Variants in MTCL1 observed in about 807,000 individuals in gnomAD.
MTCL1 encodes microtubule cross-linking factor 1.
MTCL1 carries 79 observed loss-of-function variants against 141.4 expected under a neutral mutation model. The ratio of observed to expected loss-of-function variants is 0.56; its 90% confidence interval spans 0.47 to 0.67. The LOEUF is 0.67. Ranked by LOEUF, MTCL1 falls within the 30% of genes least tolerant of loss-of-function variation. MTCL1 has a pLI of 0.00. For missense variants in MTCL1, 2,177 were observed against 2,113.9 expected, an observed-to-expected ratio of 1.03 and a Z score of -0.59; for synonymous variants, 914 against 875.8, an observed-to-expected ratio of 1.04 and a Z score of -0.77.
At chr18:8,724,147 G>A (rs1365529770) in intron 4 of MTCL1, among the ~76,000 whole-genome samples, 2 of 152,136 alleles carry the variant, frequency 1.3e-5, no homozygotes, top group East Asian at 3.9e-4. Flanking sequence ...TCTGTTACGT[G>A]AATTTTAACC....
At chr18:8,814,337 C>T (rs1488415460) in intron 12 of MTCL1, among the ~76,000 whole-genome samples, 8 of 152,176 alleles carry the variant, frequency 5.3e-5, no homozygotes, top group Admixed American at 3.9e-4. Context: ...ACCGAGACCC[C>T]GTCTCCAAAA....
At chr18:8,734,901 C>T (rs1319996469) in intron 4 of MTCL1, among the ~76,000 whole-genome samples, 1 of 152,158 alleles carries the variant, frequency 6.6e-6, no homozygotes, top group Non-Finnish European at 1.5e-5. Context: ...GTGCCTGCAG[C>T]ATCTCCTTTA....
chr18:8,739,479 A>T (rs547467398), intron 4 of MTCL1, among the ~76,000 whole-genome samples: 1 of 152,180 alleles, frequency 6.6e-6, no homozygotes, highest in Non-Finnish European at 1.5e-5. Flanking sequence ...GAGACACCCT[A>T]CACTGCCTAG....
At chr18:8,752,459 GT>G (rs2096376643) in intron 4 of MTCL1, among the ~76,000 whole-genome samples, 1 of 151,994 alleles carries the variant, frequency 6.6e-6, no homozygotes, top group African/African-American at 2.4e-5. Flanking sequence ...TCTTTTTTAT[GT>G]TTGATTTGAA....
chr18:8,721,202 C>T (rs1344743260), intron 4 of MTCL1, among the ~76,000 whole-genome samples: 1 of 152,164 alleles, frequency 6.6e-6, no homozygotes, highest in Non-Finnish European at 1.5e-5. Flanking sequence ...AAATTAAAAG[C>T]CTTTGGCGAA....
At chr18:8,743,137 G>A (rs1188985622) in intron 4 of MTCL1, among the ~76,000 whole-genome samples, 1 of 152,206 alleles carries the variant, frequency 6.6e-6, no homozygotes, top group Non-Finnish European at 1.5e-5. Flanking sequence ...AGCTAGAGAA[G>A]ATAGTCTAAT....
intron 3 of MTCL1, 101 bp downstream of exon 2, chr18:8,718,749 A>G (rs2096147634): frequency 1.9e-6 from 2 of 1,064,394 alleles, no homozygotes; most frequent in Non-Finnish European, 2.9e-6. Context: ...GTCTGTCTCT[A>G]CAGATTGCAG....
exon 17 of MTCL1, chr18:8,831,835 C>G (rs755961223): frequency 6.5e-7 from 1 of 1,548,358 alleles, no homozygotes; most frequent in Admixed American, 2.0e-5. Context: ...GTATAATTCA[C>G]TGTAATTTGC....
At chr18:8,777,759 G>A in intron 4 of MTCL1, 74 bp from the exon 4 acceptor site, 7 of 1,373,368 alleles carry the variant, frequency 5.1e-6, no homozygotes, top group Non-Finnish European at 7.3e-6. Flanking sequence ...CCCCACCCAT[G>A]GGGACGATGT....
At chr18:8,742,071 G>A (rs2096306769) in intron 4 of MTCL1, among the ~76,000 whole-genome samples, 1 of 151,158 alleles carries the variant, frequency 6.6e-6, no homozygotes, top group South Asian at 2.1e-4. Flanking sequence ...ATGGAGCCAA[G>A]CCTAATGATC....
At chr18:8,767,130 CATG>C (rs1204035626) in intron 4 of MTCL1, among the ~76,000 whole-genome samples, 1 of 152,208 alleles carries the variant, frequency 6.6e-6, no homozygotes, top group Non-Finnish European at 1.5e-5. Context: ...CCTTAAGAAT[CATG>C]AGATCATGGA....
intron 4 of MTCL1, among the ~76,000 whole-genome samples, chr18:8,770,348 C>T (rs1044285132): frequency 1.3e-4 from 20 of 152,230 alleles, no homozygotes; most frequent in African/African-American, 4.6e-4. Context: ...CAAAATATCA[C>T]AGGCTAGGGG....
chr18:8,809,697 C>A, intron 11 of MTCL1: 1 of 1,345,532 alleles, frequency 7.4e-7, no homozygotes, highest in Non-Finnish European at 9.9e-7. Context: ...CAACAGGCAC[C>A]TCGCACGGCT....
rs768573935 is a variant in MTCL1 at position 8,777,943 on chromosome 18, C to A, written c.417+51C>A. ...TTACATCTCCTATAAGTGAAGTCAA[C>A]TCATTTTGAATGTTTTTCAGTAAGT... On this transcript the variant is annotated intron_variant, in intron 5 of 16. Transcript: ENST00000359865. 3 of 1,540,124 alleles carry A rather than the reference C, an allele frequency of 1.9e-6. No homozygotes were observed. The Admixed American group carries it at 5.2e-5, about 26-fold the overall frequency.
intron 13 of MTCL1, among the ~76,000 whole-genome samples, chr18:8,821,201 C>T (rs1283573237): frequency 1.3e-5 from 2 of 152,318 alleles, no homozygotes; most frequent in East Asian, 3.9e-4. Flanking sequence ...TCCTCCATGA[C>T]AAAGTTTATA....
intron 4 of MTCL1, among the ~76,000 whole-genome samples, chr18:8,757,310 C>T (rs557773085): frequency 4.9e-4 from 75 of 152,258 alleles, no homozygotes; most frequent in Middle Eastern, 3.4e-3. Flanking sequence ...CAGGAGAAAG[C>T]TTCAGTTCCC....
intron 4 of MTCL1, among the ~76,000 whole-genome samples, chr18:8,739,304 T>C (rs2096289580): frequency 6.6e-6 from 1 of 152,024 alleles, no homozygotes; most frequent in East Asian, 1.9e-4. Context: ...GTGAGGATAC[T>C]AGTCAGGAGC....
chr18:8,806,791 G>A (rs1598748508), intron 10 of MTCL1, 102 bp from the exon 10 acceptor site: 1 of 1,289,400 alleles, frequency 7.8e-7, no homozygotes, highest in Non-Finnish European at 1.1e-6. Context: ...ACAACACCTG[G>A]GAAACAGCCC....
intron 4 of MTCL1, among the ~76,000 whole-genome samples, chr18:8,732,635 G>A (rs1232134168): frequency 6.6e-6 from 1 of 152,042 alleles, no homozygotes; most frequent in Non-Finnish European, 1.5e-5. Flanking sequence ...TTGAAAAGAC[G>A]CCGAGTCACC....
Sources: allele counts gnomAD v4.1 joint callset (sites outside exome capture counted in the v4.1 genomes callset), GRCh38; gene constraint gnomAD v4.1.1; transcripts MANE v1.5; gene names NCBI Gene and HGNC (gene_info 2026-07-23, HGNC 2026-07-21).